The following PCOLCE2 variants were observed in gnomAD, a reference collection of about 807,000 sequenced individuals.
PCOLCE2 encodes the protein procollagen C-proteinase enhancer 2.
A neutral mutation model predicts 47.0 loss-of-function variants in PCOLCE2; 42 were observed. That is an observed-to-expected ratio of 0.89 (90% CI 0.70 to 1.16). PCOLCE2 has a LOEUF of 1.16. Ranked by LOEUF, PCOLCE2 falls within the 50% of genes most tolerant of loss-of-function variation. The pLI, the probability that PCOLCE2 is intolerant of heterozygous loss-of-function variation, is 0.00. For synonymous variants in PCOLCE2, 169 were observed against 191.7 expected, an observed-to-expected ratio of 0.88 and a Z score of 0.98; for missense variants, 500 against 526.1, an observed-to-expected ratio of 0.95 and a Z score of 0.49.
intron 2 of PCOLCE2, among the ~76,000 whole-genome samples, chr3:142,885,774 G>C (rs1276302941): frequency 1.3e-5 from 2 of 152,096 alleles, no homozygotes; most frequent in African/African-American, 4.8e-5. Flanking sequence ...CACCAGATAA[G>C]CTCATTCCTC....
At chr3:142,888,439 G>C (rs907072789) in intron 1 of PCOLCE2, among the ~76,000 whole-genome samples, 2 of 152,188 alleles carry the variant, frequency 1.3e-5, no homozygotes, top group African/African-American at 2.4e-5. Context: ...AAAGCCTCTC[G>C]GGGAAGGAAA....
At position 142,830,525 on chromosome 3, in the gene PCOLCE2, A is replaced by G. The variant is rs1018632983; in HGVS notation, c.711-679T>C. 9.8e-5 allele frequency among the ~76,000 whole-genome samples: 15 copies of G among 152,312 alleles called. 1 individual carries two copies. In the South Asian group the frequency reaches 2.7e-3, roughly 27 times the overall value. On this transcript the variant is annotated intron_variant, in intron 5 of 8. Transcript: ENST00000295992. ...TGGAAACATTTCTATTATAATCTCC[A>G]TTAGCAAAATGCTGTAAAGGAAAAA...
In PCOLCE2 at chr3:142,848,352, G is replaced by A. The variant is rs1937351280; in HGVS notation, c.313C>T (p.Arg105Cys). 7.4e-6 allele frequency: 12 copies of A among 1,614,104 alleles called. No individual in the cohort carries two copies. Among genetic ancestry groups the A allele is most frequent in the Middle Eastern group, 1.6e-4 (1 of 6,084 alleles). Residue 105 changes from arginine to cysteine, a missense_variant, in exon 3 of 9, where the codon CGC becomes TGC. By Grantham distance (180) the Arg-to-Cys change is radical. Transcript: ENST00000295992. ...CCAGGCCGGAAAGTGCCACAGAAGC[G>A]GCCAATGCGCTGGCCATTGGCATGG... The part of the protein sequence containing the change: ...NGHANGQRIG[R>C]FCGTFRPGAL...
At chr3:142,821,910 T>G (rs1330058732) in intron 7 of PCOLCE2, among the ~76,000 whole-genome samples, 2 of 152,088 alleles carry the variant, frequency 1.3e-5, no homozygotes, top group East Asian at 1.9e-4. Flanking sequence ...AATACAGTTT[T>G]TTTTTGTTGT....
Position 142,837,006 on chromosome 3 carries a change from G to A in PCOLCE2, c.710+1764C>T, listed in dbSNP as rs149452190. ...ATGTGAGTAAGACTCTTCAGAAGAG[G>A]AGAGTGTCCTTTATTACCTAGGTAG... On this transcript the variant is annotated intron_variant, in intron 5 of 8. Transcript: ENST00000295992. 5.3e-5 allele frequency among the ~76,000 whole-genome samples: 8 copies of A among 152,344 alleles called. No individual in the cohort carries two copies. In the East Asian group the frequency reaches 1.5e-3, roughly 29 times the overall value.
chr3:142,879,436 AG>A (rs1043086281), intron 2 of PCOLCE2, among the ~76,000 whole-genome samples: 2 of 152,200 alleles, frequency 1.3e-5, no homozygotes, highest in African/African-American at 4.8e-5. Flanking sequence ...GAAAGAGCAA[AG>A]AAAAAGAAAA....
At chr3:142,878,662 T>C (rs11707825) in intron 2 of PCOLCE2, among the ~76,000 whole-genome samples, 31,679 of 152,036 alleles carry the variant, frequency 0.21, 5,682 homozygotes, top group African/African-American at 0.49. Context: ...GAGTTTGAGA[T>C]CAGTCAACAT....
intron 6 of PCOLCE2, among the ~76,000 whole-genome samples, chr3:142,826,896 C>CT (rs1242739718): frequency 6.6e-6 from 1 of 152,188 alleles, no homozygotes; most frequent in East Asian, 1.9e-4. Context: ...CTCGCCACTG[C>CT]TTTTCAGTCA....
chr3:142,826,341 A>G (rs965559157), intron 6 of PCOLCE2, among the ~76,000 whole-genome samples: 1 of 152,138 alleles, frequency 6.6e-6, no homozygotes, highest in African/African-American at 2.4e-5. Flanking sequence ...AGAGAAGCAT[A>G]GCAGAAAATG....
chr3:142,821,627 C>G (rs1937016531), intron 7 of PCOLCE2, among the ~76,000 whole-genome samples: 1 of 151,930 alleles, frequency 6.6e-6, no homozygotes, highest in African/African-American at 2.4e-5. Flanking sequence ...TTCATATTCT[C>G]TTTCTTATCC....
At chr3:142,862,831 C>A (rs1933205337) in intron 2 of PCOLCE2, among the ~76,000 whole-genome samples, 1 of 152,014 alleles carries the variant, frequency 6.6e-6, no homozygotes, top group African/African-American at 2.4e-5. Flanking sequence ...ATCATTTATA[C>A]AAGAAATCTC....
intron 2 of PCOLCE2, among the ~76,000 whole-genome samples, chr3:142,866,663 G>A (rs187770366): frequency 1.3e-5 from 2 of 152,248 alleles, no homozygotes; most frequent in African/African-American, 2.4e-5. Context: ...AGACATAAAT[G>A]TAAAAGCTAA....
intron 2 of PCOLCE2, among the ~76,000 whole-genome samples, chr3:142,873,282 A>C (rs1016869019): frequency 6.6e-6 from 1 of 151,712 alleles, no homozygotes; most frequent in Admixed American, 6.6e-5. Context: ...AATCCCAGCT[A>C]TTCAGGAGGC....
At chr3:142,850,234 C>T (rs1009246979) in intron 2 of PCOLCE2, among the ~76,000 whole-genome samples, 2 of 152,138 alleles carry the variant, frequency 1.3e-5, no homozygotes, top group African/African-American at 4.8e-5. Flanking sequence ...AAATATGATG[C>T]CACATCTGTA....
intron 6 of PCOLCE2, 128 bp from the exon 7 acceptor site, chr3:142,823,743 A>G (rs1937042416): frequency 1.6e-6 from 1 of 622,466 alleles, no homozygotes; most frequent in Non-Finnish European, 2.9e-6. Context: ...TACAAAGAAA[A>G]AATTTAAAAC....
At chr3:142,887,213 T>C (rs1560144211) in intron 2 of PCOLCE2, 1 of 152,734 alleles carries the variant, frequency 6.5e-6, no homozygotes, top group East Asian at 1.9e-4. Flanking sequence ...CCAGGAACAT[T>C]AAGTGGGCTT....
rs150046592 is a variant in PCOLCE2 at position 142,821,441 on chromosome 3, G to A, written c.950-396C>T. Among the ~76,000 whole-genome samples, 222 of 152,202 alleles carry A rather than the reference G, an allele frequency of 1.5e-3. 1 individual carries two copies. Among genetic ancestry groups the A allele is most frequent in the African/African-American group, 5.2e-3 (215 of 41,540 alleles). On this transcript the variant is annotated intron_variant, in intron 7 of 8. Coordinates refer to ENST00000295992, the MANE Select transcript of PCOLCE2 (RefSeq NM_013363.4). ...AGGCAGTACCACGCTAAAAGATTGCGCGATGGGGGTTTGGGCCACTAAGAT... is the reference window on the plus strand; with the variant it reads ...AGGCAGTACCACGCTAAAAGATTGCACGATGGGGGTTTGGGCCACTAAGAT...
At chr3:142,835,983 T>A (rs1937198854) in intron 5 of PCOLCE2, among the ~76,000 whole-genome samples, 1 of 141,174 alleles carries the variant, frequency 7.1e-6, no homozygotes, top group Non-Finnish European at 1.6e-5. Context: ...TTTCTTTTCT[T>A]ACTTTCTTTT....
chr3:142,827,690 T>C, intron 6 of PCOLCE2: 7 of 1,212,484 alleles, frequency 5.8e-6, no homozygotes, highest in Non-Finnish European at 8.5e-6. Context: ...GAAGACCACC[T>C]TGGGGAGGGG....
Sources: allele counts gnomAD v4.1 joint callset (sites outside exome capture counted in the v4.1 genomes callset), GRCh38; gene constraint gnomAD v4.1.1; transcripts MANE v1.5; gene names NCBI Gene and HGNC (gene_info 2026-07-23, HGNC 2026-07-21).